The following SFXN5 variants were observed in gnomAD, a reference collection of about 807,000 sequenced individuals.
SFXN5 encodes sideroflexin-5.
SFXN5 carries 43 observed loss-of-function variants against 50.2 expected under a neutral mutation model. The observed-to-expected ratio is 0.86, with a 90% CI of 0.67 to 1.11. The LOEUF (loss-of-function observed/expected upper bound fraction) is 1.11. Ranked by LOEUF, SFXN5 falls within the 50% of genes least tolerant of loss-of-function variation. SFXN5 has a pLI of 0.00. For synonymous variants in SFXN5, 203 were observed against 185.8 expected, an observed-to-expected ratio of 1.09 and a Z score of -0.75; for missense variants, 463 against 454.1, an observed-to-expected ratio of 1.02 and a Z score of -0.18.
chr2:73,042,699 G>A (rs564834782), intron 2 of SFXN5: 2 of 151,644 alleles, frequency 1.3e-5, no homozygotes, highest in Admixed American at 6.6e-5. Context: ...GGCTGAGATG[G>A]GAGGATTGAT....
chr2:73,040,093 G>C (rs1679428343), intron 3 of SFXN5, among the ~76,000 whole-genome samples: 1 of 152,176 alleles, frequency 6.6e-6, no homozygotes, highest in Middle Eastern at 3.2e-3. Context: ...TTACAGGTGT[G>C]AGCCACCGTG....
rs563067394 is a variant in SFXN5 at position 73,059,872 on chromosome 2, G to A, written c.103-1276C>T. On this transcript the variant is annotated intron_variant, in intron 1 of 13. Coordinates refer to ENST00000272433, the MANE Select transcript of SFXN5 (RefSeq NM_144579.3). ...ACAATCCAAGATGTTCAAAGATCTG[G>A]TCAGGTGTACATACCAAGGATATTC... The A allele has an allele frequency of 2.1e-6, 2 of 942,260 alleles. 1 individual carries two copies. Among genetic ancestry groups the A allele is most frequent in the Non-Finnish European group, 2.5e-6 (2 of 798,846 alleles). The allele number at this position is 942,260 out of a possible 1,614,324, so 58.4% of individuals were successfully genotyped here.
At position 73,038,621 on chromosome 2, in the gene SFXN5, CT is replaced by C. The variant is rs1679251434; in HGVS notation, c.249+2232del. On this transcript the variant is annotated intron_variant, in intron 3 of 13. Transcript: ENST00000272433. ...CCAGGCCTGGGTGACAGAGCAAGAC[CT>C]TGCCTCTTAAAAAAATTTCTTCAAT... Among the ~76,000 whole-genome samples, 11 of 152,232 alleles carry C rather than the reference CT, an allele frequency of 7.2e-5. 1 individual carries two copies. The South Asian group carries it at 2.3e-3, about 32-fold the overall frequency.
At chr2:72,996,396 C>T (rs1481713937) in intron 9 of SFXN5, 1 of 152,274 alleles carries the variant, frequency 6.6e-6, no homozygotes, top group Non-Finnish European at 1.5e-5. Context: ...CAAATCTGTG[C>T]TAGGTTTGCC....
chr2:72,949,079 GA>G (rs1672252822), intron 13 of SFXN5, among the ~76,000 whole-genome samples: 1 of 152,202 alleles, frequency 6.6e-6, no homozygotes, highest in South Asian at 2.1e-4. Context: ...GCCAGGAAGA[GA>G]ATGGAGGATT....
At chr2:72,993,779 C>T (rs1000403953) in intron 9 of SFXN5, among the ~76,000 whole-genome samples, 1 of 152,160 alleles carries the variant, frequency 6.6e-6, no homozygotes, top group Non-Finnish European at 1.5e-5. Context: ...TGGAGAAGAA[C>T]AGAAGGGCCT....
intron 12 of SFXN5, among the ~76,000 whole-genome samples, chr2:72,963,985 G>C (rs557600928): frequency 1.3e-5 from 2 of 152,166 alleles, no homozygotes; most frequent in African/African-American, 4.8e-5. Context: ...GGGGATGGAC[G>C]CTCCTCTGCT....
At position 72,960,423 on chromosome 2, in the gene SFXN5, C is replaced by T. The variant is rs1362692466; in HGVS notation, c.945+708G>A. 6.6e-6 allele frequency among the ~76,000 whole-genome samples: 1 copy of T among 152,116 alleles called. No homozygotes were observed. Among genetic ancestry groups the T allele is most frequent in the Non-Finnish European group, 1.5e-5 (1 of 68,026 alleles). On this transcript the variant is annotated intron_variant, in intron 13 of 13. Transcript: ENST00000272433. The surrounding 1 kb of genome is among the most constrained non-coding windows in gnomAD (Gnocchi z 6.1). ...CGCCTCCTGACTCCCTCTTTAGGGA[C>T]CCACTTCTCTCCATGCCCACTGCCA...
At chr2:73,032,107 G>C (rs1034452281) in intron 3 of SFXN5, among the ~76,000 whole-genome samples, 1 of 152,044 alleles carries the variant, frequency 6.6e-6, no homozygotes, top group Non-Finnish European at 1.5e-5. Flanking sequence ...GCCAAGAGCT[G>C]GTTGCTAGTT....
intron 2 of SFXN5, chr2:73,049,348 A>G (rs1235028985): frequency 6.6e-6 from 1 of 152,352 alleles, no homozygotes; most frequent in Non-Finnish European, 1.5e-5. Context: ...AGTTCACTGC[A>G]ACCTCGACCT....
intron 2 of SFXN5, among the ~76,000 whole-genome samples, chr2:73,055,583 CTTT>C (rs964640477): frequency 6.7e-6 from 1 of 148,232 alleles, no homozygotes; most frequent in Admixed American, 6.7e-5. Context: ...GGGTGGATTT[CTTT>C]TTTTTCTTTT....
At chr2:72,985,102 A>C (rs1239836325) in intron 10 of SFXN5, among the ~76,000 whole-genome samples, 1 of 150,610 alleles carries the variant, frequency 6.6e-6, no homozygotes, top group Non-Finnish European at 1.5e-5. Flanking sequence ...CCAACAACAG[A>C]GCTTAAATAT....
intron 2 of SFXN5, chr2:73,049,169 T>C (rs1680908759): frequency 6.6e-6 from 1 of 152,272 alleles, no homozygotes; most frequent in Admixed American, 6.5e-5. Context: ...AAGTCCAAGA[T>C]CAAGAACCAG....
intron 3 of SFXN5, among the ~76,000 whole-genome samples, chr2:73,039,479 G>A (rs548552150): frequency 2.6e-5 from 4 of 152,276 alleles, no homozygotes; most frequent in East Asian, 3.9e-4. Context: ...TAATTGTAAC[G>A]ACATGAAGAC....
chr2:72,977,359 AG>A (rs1670747794), intron 10 of SFXN5, among the ~76,000 whole-genome samples: 1 of 152,242 alleles, frequency 6.6e-6, no homozygotes, highest in South Asian at 2.1e-4. Flanking sequence ...GATGTATAAG[AG>A]CTTTAACAAT....
At chr2:72,947,787 G>A (rs936543201) in intron 13 of SFXN5, among the ~76,000 whole-genome samples, 6 of 152,004 alleles carry the variant, frequency 3.9e-5, no homozygotes, top group Admixed American at 1.3e-4. Context: ...AGGCCTCTTC[G>A]CCACTCCGTC....
At chr2:73,028,473 G>A (rs1033635642) in intron 3 of SFXN5, among the ~76,000 whole-genome samples, 46 of 152,312 alleles carry the variant, frequency 3.0e-4, no homozygotes, top group Non-Finnish European at 6.2e-4. Flanking sequence ...GCAGGACTCC[G>A]GGTGCCTGTG....
rs1671551583 is a variant in SFXN5 at position 72,942,689 on chromosome 2, T to C, written c.*2333A>G. On this transcript the variant is annotated 3_prime_UTR_variant, in exon 14 of 14. Coordinates refer to ENST00000272433, the MANE Select transcript of SFXN5 (RefSeq NM_144579.3). ...TCCCTCTGTCACCCTCACCCTAGGC[T>C]ATCTGGATCCTTTGCCACTGCACCG... is the stretch of plus-strand genomic sequence containing the variant. 1 of 152,300 alleles carries C rather than the reference T, an allele frequency of 6.6e-6. No individual in the cohort carries two copies. Among genetic ancestry groups the C allele is most frequent in the Non-Finnish European group, 1.5e-5 (1 of 68,116 alleles). The allele number at this position is 152,300 out of a possible 1,614,324, so 9.4% of individuals were successfully genotyped here. A position where few individuals can be genotyped will look rare whatever the true frequency, so the allele number is the denominator to read the frequency against.
At chr2:72,995,627 T>TTAAA (rs1283124608) in intron 9 of SFXN5, among the ~76,000 whole-genome samples, 9 of 152,062 alleles carry the variant, frequency 5.9e-5, no homozygotes, top group Non-Finnish European at 1.3e-4. Flanking sequence ...TAGGGACTCG[T>TTAAA]TTTAATTAAT....
Sources: gnomAD v4.1 joint callset for allele counts (sites outside exome capture counted in the v4.1 genomes callset) on GRCh38, gnomAD v4.1.1 for gene constraint, Gnocchi (gnomAD v3.1) non-coding constraint, MANE v1.5 for transcripts, NCBI Gene and HGNC (gene_info 2026-07-23, HGNC 2026-07-21) for gene names.